Variants in SHROOM2 observed in about 807,000 individuals in gnomAD.
The protein encoded by SHROOM2 is protein Shroom2.
Under a neutral mutation model 75.9 loss-of-function variants are expected in SHROOM2, and 33 were observed. The observed-to-expected ratio is 0.43, with a 90% CI of 0.33 to 0.58. The LOEUF (loss-of-function observed/expected upper bound fraction) is 0.58. SHROOM2 is among the 20% of genes least tolerant of loss of function. SHROOM2 has a pLI of 0.04. For missense variants in SHROOM2, 1,434 were observed against 1,461.2 expected (o/e 0.98, Z 0.30); for synonymous variants, 655 against 663.6 (o/e 0.99, Z 0.20).
At chrX:9,861,853 C>T (rs995763321) in intron 1 of SHROOM2, among the ~76,000 whole-genome samples, 4 of 111,382 alleles carry the variant, frequency 3.6e-5, no homozygotes, top group Non-Finnish European at 7.5e-5. Context: ...TGCCCCCACC[C>T]TCTGATGTGA....
At chrX:9,925,539 C>T (rs1400448389) in intron 5 of SHROOM2, among the ~76,000 whole-genome samples, 4 of 112,528 alleles carry the variant, frequency 3.6e-5, no homozygotes, top group African/African-American at 1.3e-4. Context: ...GAGCGTTCCA[C>T]GTTCCATGCT....
intron 5 of SHROOM2, among the ~76,000 whole-genome samples, chrX:9,925,367 A>G (rs771760291): frequency 1.8e-5 from 2 of 112,659 alleles, no homozygotes; most frequent in Non-Finnish European, 3.8e-5. Context: ...CGTCTGATAC[A>G]CCTCACCAGG....
Position 9,850,737 on chromosome X carries a change from G to A in SHROOM2, c.166-22915G>A, listed in dbSNP as rs140367810. 8.8e-3 allele frequency among the ~76,000 whole-genome samples: 964 copies of A among 109,485 alleles called. 13 individuals carry two copies. Among genetic ancestry groups the A allele is most frequent in the African/African-American group, 0.031 (929 of 30,025 alleles). On this transcript the variant is annotated intron_variant, in intron 1 of 9. Coordinates refer to ENST00000380913, the MANE Select transcript of SHROOM2 (RefSeq NM_001649.4). ...CAGCTGTAGTCCTAGCTACTCAGGA[G>A]GCTGAGGTGGGGGGATCACTTGAGC...
chrX:9,932,980 G>T, intron 6 of SHROOM2, 110 bp downstream of exon 6: 3 of 627,012 alleles, frequency 4.8e-6, no homozygotes, highest in Non-Finnish European at 7.1e-6. Context: ...AGCTCAAGGC[G>T]TTGGACTTAA....
intron 1 of SHROOM2, among the ~76,000 whole-genome samples, chrX:9,855,670 G>A (rs962229360): frequency 8.9e-6 from 1 of 111,902 alleles, no homozygotes; most frequent in Non-Finnish European, 1.9e-5. Context: ...CTGAGACTTT[G>A]CCAAGGAAAG....
At chrX:9,810,886 A>T (rs767069315) in intron 1 of SHROOM2, among the ~76,000 whole-genome samples, 3 of 111,302 alleles carry the variant, frequency 2.7e-5, no homozygotes, top group Non-Finnish European at 5.6e-5. Flanking sequence ...CTGCTTCAGG[A>T]TGAAGGGGAA....
intron 2 of SHROOM2, among the ~76,000 whole-genome samples, chrX:9,881,496 G>A (rs2084231456): frequency 8.9e-6 from 1 of 111,954 alleles, no homozygotes; most frequent in Non-Finnish European, 1.9e-5. Context: ...GGCATATGTC[G>A]ATCCCATGTG....
At chrX:9,848,861 C>T (rs1404335535) in intron 1 of SHROOM2, among the ~76,000 whole-genome samples, 3 of 111,378 alleles carry the variant, frequency 2.7e-5, no homozygotes, top group South Asian at 3.8e-4. Context: ...TGCAGCGCTC[C>T]GTGAAGAACA....
chrX:9,913,295 T>C (rs1569166998), intron 5 of SHROOM2: 2 of 112,701 alleles, frequency 1.8e-5, no homozygotes, highest in African/African-American at 6.4e-5. Context: ...TCATGAGAAA[T>C]GTTCCCTGAG....
In SHROOM2 at chrX:9,891,031, C is replaced by G. The variant is rs201142240; in HGVS notation, c.372C>G (p.Asp124Glu). 2.5e-6 allele frequency: 3 copies of G among 1,202,631 alleles called. No individual in the cohort carries two copies. Among genetic ancestry groups the G allele is most frequent in the Non-Finnish European group, 3.4e-6 (3 of 891,445 alleles). ...PHSWHATKFS[D>E]SHPELAASPF... ...CCTGGCATGCCACCAAGTTCTCTGA[C>G]AGCCACCCCGAGCTAGCGGCCTCCC... The change falls in exon 3 of 10, where the codon GAC becomes GAG. Residue 124 changes from aspartate (D) to glutamate (E), a missense_variant. Transcript: ENST00000380913.
At chrX:9,887,535 T>C (rs1324540809) in intron 2 of SHROOM2, among the ~76,000 whole-genome samples, 1 of 112,119 alleles carries the variant, frequency 8.9e-6, no homozygotes, top group African/African-American at 3.2e-5. Flanking sequence ...TTTAAGATGA[T>C]TACTCTCCAT....
intron 1 of SHROOM2, among the ~76,000 whole-genome samples, chrX:9,792,134 T>C (rs1296005107): frequency 2.5e-4 from 6 of 23,953 alleles, no homozygotes; most frequent in Non-Finnish European, 6.2e-4. Context: ...TAGAATAGAA[T>C]AGAATAGAAT....
At chrX:9,891,414 C>T (rs1057101814) in intron 3 of SHROOM2, among the ~76,000 whole-genome samples, 1 of 112,492 alleles carries the variant, frequency 8.9e-6, no homozygotes, top group African/African-American at 3.2e-5. Flanking sequence ...CGGCACCCCT[C>T]TCCTTTCCAG....
intron 5 of SHROOM2, among the ~76,000 whole-genome samples, chrX:9,917,892 G>C (rs921693491): frequency 4.5e-5 from 5 of 111,789 alleles, no homozygotes; most frequent in African/African-American, 1.6e-4. Flanking sequence ...CTGGGCAAGT[G>C]AGCCTAACAC....
chrX:9,905,836 A>G (rs1293550161), intron 5 of SHROOM2, among the ~76,000 whole-genome samples: 1 of 111,607 alleles, frequency 9.0e-6, no homozygotes, highest in African/African-American at 3.3e-5. Context: ...CCTGTAAATG[A>G]TGTGCTCCCC....
chrX:9,921,374 C>G (rs2084543267), intron 5 of SHROOM2, among the ~76,000 whole-genome samples: 1 of 111,888 alleles, frequency 8.9e-6, no homozygotes, highest in Admixed American at 9.5e-5. Context: ...AGATAAGTAT[C>G]TATAAGCCTG....
At chrX:9,912,492 A>G (rs754070199) in intron 5 of SHROOM2, 1 of 111,815 alleles carries the variant, frequency 8.9e-6, no homozygotes, top group East Asian at 2.8e-4. Flanking sequence ...TTAGGACTCC[A>G]TTCAGTAGGC....
rs937523071 is a variant in SHROOM2, at chrX:9,808,193, T to G, written c.165+21483T>G. Among the ~76,000 whole-genome samples the G allele has an allele frequency of 2.7e-5, 3 of 111,012 alleles. No individual in the cohort carries two copies. In the Admixed American group the frequency reaches 2.9e-4, roughly 11 times the overall value. ...GTGTGCTGTGCAGCCTGGGAGTTCC[T>G]TTACTTGGGGGTGGTCGGGGAGGCT... On this transcript the variant is annotated intron_variant, in intron 1 of 9. Transcript: ENST00000380913.
intron 1 of SHROOM2, among the ~76,000 whole-genome samples, chrX:9,843,015 C>T (rs984739875): frequency 1.8e-5 from 2 of 112,128 alleles, no homozygotes; most frequent in Admixed American, 9.4e-5. Context: ...TTAAAAACAC[C>T]GGCTCAGGGG....
Sources: allele counts gnomAD v4.1 joint callset (sites outside exome capture counted in the v4.1 genomes callset), GRCh38; gene constraint gnomAD v4.1.1; transcripts MANE v1.5; gene names NCBI Gene and HGNC (gene_info 2026-07-23, HGNC 2026-07-21).